NNT: variants seen among roughly 807,000 people sequenced by gnomAD.
The protein encoded by NNT is NAD(P) transhydrogenase, mitochondrial.
Under a neutral mutation model 104.8 loss-of-function variants are expected in NNT, and 50 were observed. The ratio of observed to expected loss-of-function variants is 0.48; its 90% CI spans 0.38 to 0.60. NNT has a LOEUF of 0.60. Among genes scored for constraint, NNT ranks in the 20% least tolerant of loss-of-function variants. The pLI is 0.00. For synonymous variants in NNT, 461 were observed against 490.4 expected (o/e 0.94, Z 0.79); for missense variants, 1,131 against 1,330.7 (o/e 0.85, Z 2.33).
intron 6 of NNT, among the ~76,000 whole-genome samples, chr5:43,627,426 TCTGGGAAGGGGC>T (rs1484248410): frequency 6.6e-6 from 1 of 152,098 alleles, no homozygotes; most frequent in Non-Finnish European, 1.5e-5. Flanking sequence ...ATTCACTGGG[TCTGGGAAGGGGC>T]CTGGGAATTT....
At chr5:43,604,283 C>G (rs1579957974) in intron 1 of NNT, among the ~76,000 whole-genome samples, 1 of 152,150 alleles carries the variant, frequency 6.6e-6, no homozygotes, top group Non-Finnish European at 1.5e-5. Flanking sequence ...TTCGGAGAAG[C>G]GCGTGGGGCT....
intron 1 of NNT, among the ~76,000 whole-genome samples, chr5:43,603,712 G>A (rs990224553): frequency 4.6e-5 from 7 of 152,116 alleles, no homozygotes; most frequent in African/African-American, 1.7e-4. Context: ...AGGTCATAGA[G>A]GACTTTCGAT....
Position 43,656,678 on chromosome 5 carries a change from A to G in NNT, c.2319A>G (p.Leu773=). 1 of 1,613,396 alleles carries G rather than the reference A, an allele frequency of 6.2e-7. No individual in the cohort carries two copies. Among genetic ancestry groups the G allele is most frequent in the Non-Finnish European group, 8.5e-7 (1 of 1,179,798 alleles). Residue 773 remains leucine (L), a synonymous_variant, in exon 16 of 22, where the codon CTA becomes CTG. Coordinates refer to ENST00000344920, the MANE Select transcript of NNT (RefSeq NM_182977.3). Reference sequence around the variant, plus strand: ...GTCTCCTGAAATCTGCCCCTCTCCTACTGCCTGGAAGGCACTTACTCAATG... The same window carrying G: ...GTCTCCTGAAATCTGCCCCTCTCCTGCTGCCTGGAAGGCACTTACTCAATG... ...LQGLLKSAPL[L]LPGRHLLNAG... is the part of the protein sequence containing the mutation.
intron 17 of NNT, among the ~76,000 whole-genome samples, chr5:43,674,316 C>T (rs918481394): frequency 6.6e-6 from 1 of 152,252 alleles, no homozygotes; most frequent in South Asian, 2.1e-4. Context: ...TTTGTCTGGG[C>T]CCTACTCAGC....
rs113092064 is a variant in NNT, at chr5:43,677,813, G to A, written c.2876+7G>A. On this transcript the variant is annotated splice_region_variant and intron_variant, in intron 19 of 21. Coordinates refer to ENST00000344920, the MANE Select transcript of NNT (RefSeq NM_182977.3). ...AGCAAGGCAAAAAAGTCAGGTAAGC[G>A]TTTGCAGTGGAGAGGCTTGCACTAT... 25 of 1,607,114 alleles carry A rather than the reference G, an allele frequency of 1.6e-5. No homozygotes were observed. Among genetic ancestry groups the A allele is most frequent in the African/African-American group, 5.4e-5 (4 of 74,762 alleles).
At chr5:43,671,903 C>T (rs922466488) in intron 17 of NNT, among the ~76,000 whole-genome samples, 17 of 152,212 alleles carry the variant, frequency 1.1e-4, no homozygotes, top group Non-Finnish European at 2.1e-4. Flanking sequence ...CCATTCTCCT[C>T]ATCACTTTCA....
chr5:43,641,780 A>G (rs2111804853), intron 7 of NNT, among the ~76,000 whole-genome samples: 1 of 152,270 alleles, frequency 6.6e-6, no homozygotes, highest in East Asian at 1.9e-4. Context: ...AGAATATGCT[A>G]TTGTTTTAAA....
intron 10 of NNT, chr5:43,648,187 G>A: frequency 9.3e-7 from 1 of 1,070,966 alleles, no homozygotes; most frequent in African/African-American, 1.6e-5. Flanking sequence ...ATGTGGGTAG[G>A]AAAATAAATT....
chr5:43,612,872 CA>C, intron 2 of NNT, 35 bp from the exon 3 acceptor site: 1 of 1,372,184 alleles, frequency 7.3e-7, no homozygotes. Context: ...GTTTTTTTAC[CA>C]AATATATATT....
At chr5:43,660,716 G>A (rs990990667) in intron 17 of NNT, among the ~76,000 whole-genome samples, 4 of 152,138 alleles carry the variant, frequency 2.6e-5, no homozygotes, top group Non-Finnish European at 5.9e-5. Flanking sequence ...TTACCATAGC[G>A]GAGAAGGGGA....
Position 43,651,687 on chromosome 5 carries a change from C to T in NNT, c.1718-52C>T, listed in dbSNP as rs1314584803. 3 of 1,585,598 alleles carry T rather than the reference C, an allele frequency of 1.9e-6. No individual in the cohort carries two copies. The African/African-American group carries it at 4.1e-5, about 21-fold the overall frequency. On this transcript the variant is annotated intron_variant, in intron 12 of 21. Transcript: ENST00000344920. Reference sequence around the variant, plus strand: ...TGTAGCACTTTAAAAAATCATGTTGCTCAGTGAGCTCAAAGAGGTACTATG... The same window carrying T: ...TGTAGCACTTTAAAAAATCATGTTGTTCAGTGAGCTCAAAGAGGTACTATG...
At chr5:43,604,057 A>T (rs1352968204) in intron 1 of NNT, among the ~76,000 whole-genome samples, 1 of 152,136 alleles carries the variant, frequency 6.6e-6, no homozygotes, top group Non-Finnish European at 1.5e-5. Context: ...CGAGCAAGGG[A>T]CGGCACCGGT....
At chr5:43,681,875 A>G (rs1305449101) in intron 19 of NNT, among the ~76,000 whole-genome samples, 2 of 152,246 alleles carry the variant, frequency 1.3e-5, no homozygotes. Flanking sequence ...TAACAGATCA[A>G]TCAATGAATG....
intron 8 of NNT, 123 bp from the exon 9 acceptor site, chr5:43,644,488 T>C: frequency 1.8e-6 from 2 of 1,110,248 alleles, no homozygotes; most frequent in Non-Finnish European, 2.6e-6. Context: ...TTTATGGGTA[T>C]GTATGTATAT....
intron 17 of NNT, among the ~76,000 whole-genome samples, chr5:43,659,684 G>A (rs1740253433): frequency 6.6e-6 from 1 of 152,038 alleles, no homozygotes; most frequent in Non-Finnish European, 1.5e-5. Flanking sequence ...CTGAGATCAT[G>A]CCACTGTACT....
chr5:43,649,640 A>G (rs986604381), intron 11 of NNT, among the ~76,000 whole-genome samples: 2 of 152,022 alleles, frequency 1.3e-5, no homozygotes, highest in African/African-American at 4.8e-5. Flanking sequence ...TGTTCCACAG[A>G]ATCATAGCTG....
chr5:43,677,709 T>C lies in NNT; in HGVS notation c.2795-16T>C, dbSNP rs762941760. On this transcript the variant is annotated splice_polypyrimidine_tract_variant and intron_variant, in intron 18 of 21. Transcript: ENST00000344920. ...ATAAAAAACACATTCTTCTGTGTTC[T>C]TAATGTTCCTTGCAGGCTATGGTCT... 6.2e-7 allele frequency: 1 copy of C among 1,608,050 alleles called. No individual in the cohort carries two copies. Among genetic ancestry groups the C allele is most frequent in the South Asian group, 1.1e-5 (1 of 90,936 alleles).
intron 19 of NNT, among the ~76,000 whole-genome samples, chr5:43,692,087 GC>G (rs1742312729): frequency 6.6e-6 from 1 of 152,192 alleles, no homozygotes; most frequent in East Asian, 1.9e-4. Context: ...ATAATTAAAT[GC>G]CCATTCAGCA....
intron 19 of NNT, among the ~76,000 whole-genome samples, chr5:43,683,917 G>A (rs374332698): frequency 1.6e-4 from 25 of 152,232 alleles, no homozygotes; most frequent in African/African-American, 5.5e-4. Flanking sequence ...TTGGTTAAGC[G>A]ATGGGAAAGC....
Sources: allele counts gnomAD v4.1 joint callset (sites outside exome capture counted in the v4.1 genomes callset), GRCh38; gene constraint gnomAD v4.1.1; transcripts MANE v1.5; gene names NCBI Gene and HGNC (gene_info 2026-07-23, HGNC 2026-07-21).